The following XDH variants were observed in gnomAD, a reference collection of about 807,000 sequenced individuals.
The protein encoded by XDH is xanthine dehydrogenase/oxidase.
XDH carries 138 observed loss-of-function variants against 156.1 expected under a neutral mutation model. That is an observed-to-expected ratio of 0.88 (90% CI 0.77 to 1.02). The LOEUF is 1.02. Ranked by LOEUF, XDH falls within the 50% of genes least tolerant of loss-of-function variation. The pLI is 0.00. For synonymous variants in XDH, 669 were observed against 625.7 expected, an observed-to-expected ratio of 1.07 and a Z score of -1.03; for missense variants, 1,849 against 1,684.9, an observed-to-expected ratio of 1.10 and a Z score of -1.71.
chr2:31,348,998 T>A lies in XDH; in HGVS notation c.2970-18A>T. 6.2e-7 allele frequency: 1 copy of A among 1,606,662 alleles called. No individual in the cohort carries two copies. Among genetic ancestry groups the A allele is most frequent in the Non-Finnish European group, 8.5e-7 (1 of 1,173,356 alleles). On this transcript the variant is annotated intron_variant, in intron 26 of 35. Transcript: ENST00000379416. Reference sequence around the variant, plus strand: ...AATTCTCCCTAGAGAAAAAGGAATATTCTTATAGAACCTTCGCTATCATAT... The same window carrying A: ...AATTCTCCCTAGAGAAAAAGGAATAATCTTATAGAACCTTCGCTATCATAT...
rs7557095 is a variant in XDH, at chr2:31,349,210, A to C, written c.2970-230T>G. On this transcript the variant is annotated intron_variant, in intron 26 of 35. Coordinates refer to ENST00000379416, the MANE Select transcript of XDH (RefSeq NM_000379.4). The stretch of plus-strand genomic sequence containing the variant: ...ATCTTGGGCTGTCATCATCTCCAGG[A>C]GGCACTGTGCCTCACTGACAATAAT... 0.76 allele frequency among the ~76,000 whole-genome samples: 114,882 copies of C among 152,026 alleles called. 43,536 individuals carry two copies. The highest frequency in any genetic ancestry group is 0.85 in the East Asian group (4,348 of 5,142).
rs778406731 is a variant in XDH at position 31,375,570 on chromosome 2, G to T, written c.1428-16C>A. 3 of 1,611,568 alleles carry T rather than the reference G, an allele frequency of 1.9e-6. No homozygotes were observed. Among genetic ancestry groups the T allele is most frequent in the Non-Finnish European group, 2.5e-6 (3 of 1,179,704 alleles). ...CTTCCAGAGCCTGCCAGAGAGCAGG[G>T]CGTGGGACAGCGCTCCCGCCCAGCC... On this transcript the variant is annotated splice_polypyrimidine_tract_variant and intron_variant, in intron 14 of 35. Coordinates refer to ENST00000379416, the MANE Select transcript of XDH (RefSeq NM_000379.4).
Position 31,383,086 on chromosome 2 carries a change from T to A in XDH, c.953A>T (p.Lys318Met), listed in dbSNP as rs1482311589. 2 of 1,614,174 alleles carry A rather than the reference T, an allele frequency of 1.2e-6. No homozygotes were observed. The highest frequency in any genetic ancestry group is 3.3e-5 in the Admixed American group (2 of 60,024). Residue 318 changes from lysine to methionine, a missense_variant, in exon 11 of 36, where the codon AAG becomes ATG. Transcript: ENST00000379416. Reference sequence around the variant, plus strand: ...CACCTCTGTCTTTTGGGCAGGAAGCTTAGCAACAGCATCCACCAGGGTTTT... The same window carrying A: ...CACCTCTGTCTTTTGGGCAGGAAGCATAGCAACAGCATCCACCAGGGTTTT... ...VEKTLVDAVA[K>M]LPAQKTEVFR...
At chr2:31,353,845 T>C (rs1024123465) in intron 24 of XDH, among the ~76,000 whole-genome samples, 1 of 152,174 alleles carries the variant, frequency 6.6e-6, no homozygotes, top group Admixed American at 6.5e-5. Context: ...TGTTATGAGA[T>C]ACCCCAACAT....
intron 31 of XDH, among the ~76,000 whole-genome samples, chr2:31,342,722 T>G (rs947597019): frequency 4.7e-5 from 2 of 42,992 alleles, no homozygotes; most frequent in Non-Finnish European, 8.4e-5. Context: ...GTTCTCCTGC[T>G]TACCTTCTCA....
At chr2:31,349,933 C>T in intron 25 of XDH, 99 bp downstream of exon 25, 1 of 1,611,504 alleles carries the variant, frequency 6.2e-7, no homozygotes, top group Non-Finnish European at 8.5e-7. Context: ...CAGCCCCTGC[C>T]TGTCATCTGC....
chr2:31,407,649 C>T (rs1033760509), intron 1 of XDH, among the ~76,000 whole-genome samples: 3 of 152,112 alleles, frequency 2.0e-5, no homozygotes, highest in East Asian at 3.9e-4. Context: ...CTCAGAAAGC[C>T]GGAAGCCATC....
chr2:31,388,315 C>T lies in XDH; in HGVS notation c.496-20G>A, dbSNP rs1396603943. The T allele has an allele frequency of 6.2e-7, 1 of 1,612,926 alleles. No individual in the cohort carries two copies. The highest frequency in any genetic ancestry group is 8.5e-7 in the Non-Finnish European group (1 of 1,179,018). On this transcript the variant is annotated intron_variant, in intron 6 of 35. Transcript: ENST00000379416. ...ACCATCCTAGAGAGATGATGAACAT[C>T]TGCACAAGGGTATTTACAAAGAGTA...
At chr2:31,368,729 T>G in intron 18 of XDH, 69 bp from the exon 19 acceptor site, 2 of 1,613,688 alleles carry the variant, frequency 1.2e-6, no homozygotes, top group Non-Finnish European at 1.7e-6. Flanking sequence ...TTTTGGATTG[T>G]TCAAAAAGCC....
At position 31,341,242 on chromosome 2, in the gene XDH, C is replaced by T. The variant is rs566962352; in HGVS notation, c.3585+87G>A. ...CAGCCTGTTTGAAGACAACCTTGGA[C>T]AACATGTTGTGGCAGGTGGCCCCAG... On this transcript the variant is annotated intron_variant, in intron 33 of 35. Coordinates refer to ENST00000379416, the MANE Select transcript of XDH (RefSeq NM_000379.4). The T allele has an allele frequency of 4.3e-5, 57 of 1,310,814 alleles. No individual in the cohort carries two copies. In the African/African-American group the frequency reaches 7.8e-4, roughly 18 times the overall value. 81.2% of individuals were successfully genotyped at this position (1,310,814 alleles called of 1,614,324 possible).
chr2:31,390,398 A>G (rs1394216565), intron 6 of XDH, among the ~76,000 whole-genome samples: 5 of 152,226 alleles, frequency 3.3e-5, no homozygotes, highest in Non-Finnish European at 7.3e-5. Context: ...GATGTTCTAC[A>G]GTTTATTCAC....
rs45594331 is a variant in XDH at position 31,370,567 on chromosome 2, T to C, written c.1857-89A>G. 1.2e-3 allele frequency: 1,841 copies of C among 1,550,388 alleles called. 17 individuals carry two copies. The African/African-American group carries it at 0.022, about 19-fold the overall frequency. On this transcript the variant is annotated intron_variant, in intron 17 of 35. Transcript: ENST00000379416. ...TTGGACAACCCTGTTCTTATTTTGA[T>C]TGGCTTGGCTCCATCCTAATTCCTC...
intron 6 of XDH, among the ~76,000 whole-genome samples, chr2:31,395,450 T>A (rs919009568): frequency 6.6e-6 from 1 of 152,190 alleles, no homozygotes; most frequent in Non-Finnish European, 1.5e-5. Context: ...AGGACAGGCC[T>A]TTTTAAGAAG....
rs1684944564 is a variant in XDH at position 31,335,280 on chromosome 2, A to G, written c.*678T>C. 1 of 154,306 alleles carries G rather than the reference A, an allele frequency of 6.5e-6. No individual in the cohort carries two copies. The highest frequency in any genetic ancestry group is 2.0e-4 in the South Asian group (1 of 4,960). 9.6% of individuals were successfully genotyped at this position (154,306 alleles called of 1,614,324 possible). On this transcript the variant is annotated 3_prime_UTR_variant, in exon 36 of 36. Transcript: ENST00000379416. ...ATTTGGAATACAAATATTCTCTTCA[A>G]AGAGGAAGGGAAAGAAATCTAGAAC...
At chr2:31,367,561 CAGGGCAA>C (rs926060978) in intron 20 of XDH, among the ~76,000 whole-genome samples, 1 of 152,082 alleles carries the variant, frequency 6.6e-6, no homozygotes, top group African/African-American at 2.4e-5. Flanking sequence ...GGAGGGAGAG[CAGGGCAA>C]AGGGAAGAGG....
intron 2 of XDH, 133 bp downstream of exon 2, chr2:31,405,774 C>G (rs1363944862): frequency 1.1e-6 from 1 of 940,478 alleles, no homozygotes; most frequent in African/African-American, 1.6e-5. Flanking sequence ...GCAAGTGTCC[C>G]AAGTCCTAAT....
chr2:31,337,218 A>C (rs137870394), intron 35 of XDH, among the ~76,000 whole-genome samples: 1 of 152,090 alleles, frequency 6.6e-6, no homozygotes, highest in South Asian at 2.1e-4. Flanking sequence ...TGGTTGATCT[A>C]ATTAATTATT....
Position 31,414,736 on chromosome 2 carries a change from G to C in XDH, c.-70C>G. 1.9e-6 allele frequency: 3 copies of C among 1,578,990 alleles called. No individual in the cohort carries two copies. Among genetic ancestry groups the C allele is most frequent in the Non-Finnish European group, 2.6e-6 (3 of 1,148,194 alleles). ...GAGACACTGGCAGGTAGTTATCACT[G>C]CTCTGTGACCTGAAAGTTACGCCTC... On this transcript the variant is annotated 5_prime_UTR_variant, in exon 1 of 36. Coordinates refer to ENST00000379416, the MANE Select transcript of XDH (RefSeq NM_000379.4).
rs912054410 is a variant in XDH at position 31,344,746 on chromosome 2, G to C, written c.3352-10C>G. 1 of 1,614,116 alleles carries C rather than the reference G, an allele frequency of 6.2e-7. No homozygotes were observed. The highest frequency in any genetic ancestry group is 1.3e-5 in the African/African-American group (1 of 75,040). ...TGTAGGCAGCTGTGACCTGAGGAGA[G>C]GAGATGGCCATCAGGCAGGTGAAGT... On this transcript the variant is annotated splice_polypyrimidine_tract_variant and intron_variant, in intron 30 of 35. Transcript: ENST00000379416.
Sources: gnomAD v4.1 joint callset for allele counts (sites outside exome capture counted in the v4.1 genomes callset) on GRCh38, gnomAD v4.1.1 for gene constraint, MANE v1.5 for transcripts, NCBI Gene and HGNC (gene_info 2026-07-23, HGNC 2026-07-21) for gene names.